Variants in RSPO4 observed in about 807,000 individuals in gnomAD.
RSPO4 encodes the protein R-spondin 4.
A neutral mutation model predicts 24.8 loss-of-function variants in RSPO4; 23 were observed. The ratio of observed to expected loss-of-function variants is 0.93; its 90% CI spans 0.67 to 1.31. The LOEUF (loss-of-function observed/expected upper bound fraction) is 1.31. Among genes scored for constraint, RSPO4 ranks in the 40% most tolerant of loss-of-function variants. The pLI is 0.00. For synonymous variants in RSPO4, 141 were observed against 127.4 expected (o/e 1.11, Z -0.72); for missense variants, 333 against 316.5 (o/e 1.05, Z -0.39).
At chr20:992,763 C>T (rs535244688) in intron 1 of RSPO4, among the ~76,000 whole-genome samples, 1 of 152,328 alleles carries the variant, frequency 6.6e-6, no homozygotes, top group Non-Finnish European at 1.5e-5. Context: ...CTCACACTCC[C>T]TGCGTGGCAC....
chr20:967,335 C>A (rs528640468), intron 2 of RSPO4, 21 bp from the exon 3 acceptor site: 5 of 1,613,364 alleles, frequency 3.1e-6, no homozygotes, highest in East Asian at 4.5e-5. Flanking sequence ...GCCAGGGACA[C>A]CCCAGGTGAG....
intron 1 of RSPO4, among the ~76,000 whole-genome samples, chr20:998,160 C>T (rs1274389586): frequency 6.6e-6 from 1 of 152,198 alleles, no homozygotes; most frequent in Non-Finnish European, 1.5e-5. Context: ...GGGCTCTTCA[C>T]TTTGCCCCTT....
Position 967,332 on chromosome 20 carries a change from A to T in RSPO4, c.269-18T>A. The T allele has an allele frequency of 6.2e-7, 1 of 1,613,746 alleles. No homozygotes were observed. The highest frequency in any genetic ancestry group is 8.5e-7 in the Non-Finnish European group (1 of 1,180,004). Reference sequence around the variant, plus strand: ...CCCACATTCTGTAATAGAGCCAGGGACACCCCAGGTGAGGGAGACTGCCAA... The same window carrying T: ...CCCACATTCTGTAATAGAGCCAGGGTCACCCCAGGTGAGGGAGACTGCCAA... On this transcript the variant is annotated intron_variant, in intron 2 of 4. Transcript: ENST00000217260.
rs952695094 is a variant in RSPO4, at chr20:968,123, C to T, written c.95G>A (p.Gly32Glu). ...RRKKQVGTGL[G>E]GNCTGCIICS... ...GATGATACAGCCTGTGCAGTTGCCC[C>T]CCAGGCCAGTGCCCACTGCCCACAA... Residue 32 changes from glycine to glutamate, a missense_variant, in exon 2 of 5, where the codon GGG becomes GAG. Coordinates refer to ENST00000217260, the MANE Select transcript of RSPO4 (RefSeq NM_001029871.4). 3.1e-6 allele frequency: 5 copies of T among 1,613,982 alleles called. No homozygotes were observed. Among genetic ancestry groups the T allele is most frequent in the Non-Finnish European group, 2.5e-6 (3 of 1,180,032 alleles).
intron 1 of RSPO4, among the ~76,000 whole-genome samples, chr20:980,664 G>A (rs1158753123): frequency 6.6e-6 from 1 of 152,156 alleles, no homozygotes; most frequent in Non-Finnish European, 1.5e-5. Context: ...TGACCTATAT[G>A]GGCTGGTTGC....
intron 1 of RSPO4, among the ~76,000 whole-genome samples, chr20:980,182 G>C (rs1214602688): frequency 2.0e-5 from 3 of 152,170 alleles, no homozygotes; most frequent in Non-Finnish European, 4.4e-5. Context: ...CTTAATAAGT[G>C]GAGCAGATAT....
At position 973,802 on chromosome 20, in the gene RSPO4, C is replaced by T. The variant is rs1165831452; in HGVS notation, c.80-5664G>A. On this transcript the variant is annotated intron_variant, in intron 1 of 4. Transcript: ENST00000217260. ...GGCCCACTGGATGGTGCTTAGCATC[C>T]TTCAATACCCTGGTCTTTGAAGGTC... is the stretch of plus-strand genomic sequence containing the variant. 2.6e-5 allele frequency among the ~76,000 whole-genome samples: 4 copies of T among 152,288 alleles called. No individual in the cohort carries two copies. The East Asian group carries it at 7.7e-4, about 29-fold the overall frequency.
intron 1 of RSPO4, among the ~76,000 whole-genome samples, chr20:974,159 G>A (rs140349407): frequency 6.6e-6 from 1 of 152,344 alleles, no homozygotes; most frequent in East Asian, 1.9e-4. Context: ...AATCTCCAGA[G>A]AGGCTTGTAA....
rs1189156947 is a variant in RSPO4, at chr20:959,162, GGTGTGGGCAA to G, written c.*1185_*1194del. 1 of 121,612 alleles carries G rather than the reference GGTGTGGGCAA, an allele frequency of 8.2e-6. No homozygotes were observed. The highest frequency in any genetic ancestry group is 1.7e-5 in the Non-Finnish European group (1 of 58,544). 7.5% of individuals were successfully genotyped at this position (121,612 alleles called of 1,614,324 possible). On this transcript the variant is annotated 3_prime_UTR_variant, in exon 5 of 5. Coordinates refer to ENST00000217260, the MANE Select transcript of RSPO4 (RefSeq NM_001029871.4). ...GTGGGTGTGGGCGAGTGCGGTGATG[GGTGTGGGCAA>G]GTGTGGGGGTGGGTGTCAGCGTGTG...
intron 1 of RSPO4, among the ~76,000 whole-genome samples, chr20:973,846 G>A (rs1001356969): frequency 2.0e-5 from 3 of 152,178 alleles, no homozygotes; most frequent in African/African-American, 7.2e-5. Context: ...GGTCTTTGAA[G>A]GGTAGTGGCT....
rs569229471 is a variant in RSPO4 at position 958,543 on chromosome 20, G to C, written c.*1814C>G. The C allele has an allele frequency of 1.3e-5, 2 of 151,838 alleles. No homozygotes were observed. The highest frequency in any genetic ancestry group is 3.9e-4 in the East Asian group (2 of 5,160). 9.4% of individuals were successfully genotyped at this position (151,838 alleles called of 1,614,324 possible). ...AACGGAGCATTTCAGAGGCACAAAC[G>C]TTTGCAGAAGAGAAGCTGGTGGCCT... On this transcript the variant is annotated 3_prime_UTR_variant, in exon 5 of 5. Transcript: ENST00000217260.
rs376648133 is a variant in RSPO4, at chr20:960,214, C to T, written c.*143G>A. 97 of 629,974 alleles carry T rather than the reference C, an allele frequency of 1.5e-4. No individual in the cohort carries two copies. The highest frequency in any genetic ancestry group is 1.5e-3 in the South Asian group (82 of 54,244). The allele number at this position is 629,974 out of a possible 1,614,324, so 39.0% of individuals were successfully genotyped here. ...GAAAAAGAAAGGGAAGGTAGACTGA[C>T]AGAAAAATGATAGAAGGGTGGAAAG... On this transcript the variant is annotated 3_prime_UTR_variant, in exon 5 of 5. Coordinates refer to ENST00000217260, the MANE Select transcript of RSPO4 (RefSeq NM_001029871.4).
chr20:972,962 A>G (rs1425352742), intron 1 of RSPO4, among the ~76,000 whole-genome samples: 1 of 152,256 alleles, frequency 6.6e-6, no homozygotes, highest in Non-Finnish European at 1.5e-5. Flanking sequence ...TTTCCTGAAA[A>G]ACGAATCTGT....
At chr20:987,515 G>A (rs550075653) in intron 1 of RSPO4, among the ~76,000 whole-genome samples, 6 of 152,254 alleles carry the variant, frequency 3.9e-5, no homozygotes, top group Non-Finnish European at 4.4e-5. Context: ...TCCAGGTGCG[G>A]TGGCTCACAC....
At chr20:974,821 G>C (rs537855906) in intron 1 of RSPO4, among the ~76,000 whole-genome samples, 4 of 152,318 alleles carry the variant, frequency 2.6e-5, no homozygotes, top group Non-Finnish European at 5.9e-5. Flanking sequence ...AGAGTCATCT[G>C]TGCATGTGGA....
chr20:976,570 T>C (rs1309275435), intron 1 of RSPO4, among the ~76,000 whole-genome samples: 2 of 150,574 alleles, frequency 1.3e-5, no homozygotes, highest in African/African-American at 2.4e-5. Flanking sequence ...GATCGCTGTA[T>C]TTTTTTTTTC....
intron 1 of RSPO4, among the ~76,000 whole-genome samples, chr20:1,000,949 T>C (rs117881740): frequency 0.02 from 3,052 of 152,328 alleles, 52 homozygotes; most frequent in Middle Eastern, 0.11. Flanking sequence ...TGTGTCGCTG[T>C]AGGGCTTTCA....
chr20:985,345 C>T (rs1395062458), intron 1 of RSPO4, among the ~76,000 whole-genome samples: 2 of 151,920 alleles, frequency 1.3e-5, no homozygotes, highest in African/African-American at 2.4e-5. Context: ...ACCATCTATC[C>T]GTCCATCCAT....
rs1006178087 is a variant in RSPO4 at position 959,363 on chromosome 20, G to A, written c.*994C>T. 6.6e-6 allele frequency: 1 copy of A among 152,342 alleles called. No homozygotes were observed. The highest frequency in any genetic ancestry group is 6.5e-5 in the Admixed American group (1 of 15,282). 9.4% of individuals were successfully genotyped at this position (152,342 alleles called of 1,614,324 possible). A position where few individuals can be genotyped will look rare whatever the true frequency, so the allele number is the denominator to read the frequency against. ...CATCAGGCAGAAGCAGAGCCTGAAG[G>A]CTTCCTGTGTGACCCTGGGCAAGCC... On this transcript the variant is annotated 3_prime_UTR_variant, in exon 5 of 5. Coordinates refer to ENST00000217260, the MANE Select transcript of RSPO4 (RefSeq NM_001029871.4).
Sources: allele counts gnomAD v4.1 joint callset (sites outside exome capture counted in the v4.1 genomes callset), GRCh38; gene constraint gnomAD v4.1.1; transcripts MANE v1.5; gene names NCBI Gene and HGNC (gene_info 2026-07-23, HGNC 2026-07-21).